The following VGLL4 variants were observed in gnomAD, a reference collection of about 807,000 sequenced individuals.
VGLL4 encodes the protein vestigial like family member 4.
A neutral mutation model predicts 21.0 loss-of-function variants in VGLL4; 7 were observed. That is an observed-to-expected ratio of 0.33 (90% confidence interval 0.19 to 0.63). VGLL4 has a LOEUF of 0.63. VGLL4 is among the 20% of genes least tolerant of loss of function. The probability of loss-of-function intolerance (pLI) is 0.78; values close to 1 mark genes in which losing one functional copy is unlikely to be tolerated. For synonymous variants in VGLL4, 222 were observed against 173.2 expected, an observed-to-expected ratio of 1.28 and a Z score of -2.21; for missense variants, 394 against 425.7, an observed-to-expected ratio of 0.93 and a Z score of 0.66.
chr3:11,585,432 TAAAAAA>T (rs530121433), intron 2 of VGLL4, among the ~76,000 whole-genome samples: 6 of 135,040 alleles, frequency 4.4e-5, no homozygotes, highest in African/African-American at 1.6e-4. Flanking sequence ...GATTCCATCT[TAAAAAA>T]AAAAAAAAGA....
chr3:11,564,279 A>C (rs1367710233), intron 3 of VGLL4, among the ~76,000 whole-genome samples: 1 of 152,132 alleles, frequency 6.6e-6, no homozygotes, highest in Non-Finnish European at 1.5e-5. Context: ...CTATGTACCA[A>C]TCATAGGCTT....
At chr3:11,583,735 C>T (rs2074295206) in intron 2 of VGLL4, among the ~76,000 whole-genome samples, 1 of 152,218 alleles carries the variant, frequency 6.6e-6, no homozygotes. Flanking sequence ...CCATAGCCCC[C>T]TCAGCTCCGC....
chr3:11,658,176 C>A (rs1023196278), intron 2 of VGLL4, among the ~76,000 whole-genome samples: 1 of 152,162 alleles, frequency 6.6e-6, no homozygotes, highest in East Asian at 1.9e-4. Flanking sequence ...CTCAAGCGAC[C>A]CACCTGCCTT....
chr3:11,630,731 C>T (rs2075458216), intron 1 of VGLL4, among the ~76,000 whole-genome samples: 1 of 152,154 alleles, frequency 6.6e-6, no homozygotes, highest in African/African-American at 2.4e-5. Context: ...GATGCTATAA[C>T]CACTTTGGAA....
chr3:11,583,745 C>T (rs553121471), intron 2 of VGLL4, among the ~76,000 whole-genome samples: 1 of 152,334 alleles, frequency 6.6e-6, no homozygotes, highest in East Asian at 1.9e-4. Flanking sequence ...CTCAGCTCCG[C>T]CAAGGATGGG....
At chr3:11,700,793 G>C (rs1189959215) in intron 2 of VGLL4, among the ~76,000 whole-genome samples, 1 of 152,160 alleles carries the variant, frequency 6.6e-6, no homozygotes, top group Non-Finnish European at 1.5e-5. Context: ...AGGAATAAAG[G>C]AGTTTTGTTG....
In VGLL4 at chr3:11,694,024, A is replaced by G. The variant is rs536903102; in HGVS notation, c.64+8947T>C. On this transcript the variant is annotated intron_variant, in intron 2 of 5. Transcript: ENST00000273038. ...ATTCTCAGCACTGCCACAACCAGCT[A>G]AGTGTACCTGGGCAAACTACAGAAG... 8.5e-5 allele frequency among the ~76,000 whole-genome samples: 13 copies of G among 152,216 alleles called. No homozygotes were observed. The East Asian group carries it at 2.5e-3, about 29-fold the overall frequency.
At chr3:11,658,123 T>C (rs988710415) in intron 2 of VGLL4, among the ~76,000 whole-genome samples, 7 of 152,062 alleles carry the variant, frequency 4.6e-5, no homozygotes, top group African/African-American at 1.7e-4. Flanking sequence ...TTTGTAGAGA[T>C]TGTGTCTGGC....
intron 2 of VGLL4, among the ~76,000 whole-genome samples, chr3:11,689,387 C>T (rs1337741059): frequency 4.6e-5 from 7 of 152,114 alleles, no homozygotes; most frequent in African/African-American, 7.2e-5. Flanking sequence ...TCTTCCAGAC[C>T]GCTAATTTGG....
At chr3:11,574,408 A>G (rs1262644012) in intron 2 of VGLL4, among the ~76,000 whole-genome samples, 1 of 152,176 alleles carries the variant, frequency 6.6e-6, no homozygotes, top group East Asian at 1.9e-4. Flanking sequence ...GCACAATGAC[A>G]GTCCAAACAG....
chr3:11,621,996 C>A (rs1373269718), intron 1 of VGLL4, among the ~76,000 whole-genome samples: 2 of 151,926 alleles, frequency 1.3e-5, no homozygotes, highest in African/African-American at 2.4e-5. Context: ...AGATTATCTG[C>A]CTTTGTACTG....
intron 1 of VGLL4, 117 bp downstream of exon 1, chr3:11,643,320 T>C: frequency 6.6e-7 from 1 of 1,512,764 alleles, no homozygotes; most frequent in Non-Finnish European, 9.0e-7. Context: ...CGCCGGCCTT[T>C]CAAGTGCCCT....
intron 1 of VGLL4, among the ~76,000 whole-genome samples, chr3:11,615,226 G>C (rs1173519514): frequency 6.6e-6 from 1 of 152,124 alleles, no homozygotes; most frequent in Non-Finnish European, 1.5e-5. Context: ...TTTGGTGGCA[G>C]GGAGGGTTGG....
At chr3:11,675,897 A>T (rs191328057) in intron 2 of VGLL4, among the ~76,000 whole-genome samples, 19 of 152,296 alleles carry the variant, frequency 1.2e-4, no homozygotes, top group Non-Finnish European at 1.5e-5. Context: ...TGTTTTTCTT[A>T]CATTTTACTC....
chr3:11,665,334 C>T lies in VGLL4; in HGVS notation c.64+37637G>A, dbSNP rs1014121087. 2.6e-5 allele frequency among the ~76,000 whole-genome samples: 4 copies of T among 152,022 alleles called. 2 individuals are homozygous for T. On this transcript the variant is annotated intron_variant, in intron 2 of 5. Transcript: ENST00000273038. ...TTCACCGTGTTAGCCAGGATGGTCT[C>T]GATCTCCTGACCTCGTGATCCGCCA...
chr3:11,628,408 G>C (rs1051710508), intron 1 of VGLL4, among the ~76,000 whole-genome samples: 1 of 148,948 alleles, frequency 6.7e-6, no homozygotes, highest in Non-Finnish European at 1.5e-5. Flanking sequence ...AAAAAAAAAA[G>C]AAAAGAAACA....
intron 2 of VGLL4, among the ~76,000 whole-genome samples, chr3:11,578,966 T>C (rs1285386117): frequency 6.6e-6 from 1 of 151,936 alleles, no homozygotes; most frequent in Non-Finnish European, 1.5e-5. Flanking sequence ...GCCAGGATGG[T>C]CTCAATTTCC....
intron 1 of VGLL4, among the ~76,000 whole-genome samples, chr3:11,621,650 A>G (rs2125301129): frequency 6.6e-6 from 1 of 152,318 alleles, no homozygotes; most frequent in African/African-American, 2.4e-5. Context: ...AGATTTTTAC[A>G]GGGATGTTTT....
intron 1 of VGLL4, among the ~76,000 whole-genome samples, chr3:11,609,894 G>GT (rs975130694): frequency 7.2e-5 from 11 of 152,314 alleles, no homozygotes; most frequent in Admixed American, 3.3e-4. Flanking sequence ...GTATCTTGCT[G>GT]TAACTTTTAA....
Sources: gnomAD v4.1 joint callset for allele counts (sites outside exome capture counted in the v4.1 genomes callset) on GRCh38, gnomAD v4.1.1 for gene constraint, MANE v1.5 for transcripts, NCBI Gene and HGNC (gene_info 2026-07-23, HGNC 2026-07-21) for gene names.